PLPP3: variants seen among roughly 807,000 people sequenced by gnomAD.
The protein encoded by PLPP3 is PAP2 beta.
A neutral mutation model predicts 29.6 loss-of-function variants in PLPP3; 6 were observed. The ratio of observed to expected loss-of-function variants is 0.20; its 90% CI spans 0.11 to 0.40. The LOEUF is 0.40. Ranked by LOEUF, PLPP3 falls within the 10% of genes least tolerant of loss-of-function variation. The pLI, the probability that PLPP3 is intolerant of heterozygous loss-of-function variation, is 1.00. For synonymous variants in PLPP3, 152 were observed against 159.7 expected (o/e 0.95, Z 0.36); for missense variants, 308 against 407.7 (o/e 0.76, Z 2.11).
chr1:56,527,836 G>C (rs1336432589), intron 2 of PLPP3, among the ~76,000 whole-genome samples: 2 of 152,100 alleles, frequency 1.3e-5, no homozygotes, highest in Non-Finnish European at 2.9e-5. Context: ...CTCTACAGAC[G>C]AGGCGAAGGC....
At chr1:56,578,431 G>T (rs970890551) in intron 1 of PLPP3, among the ~76,000 whole-genome samples, 5 of 152,148 alleles carry the variant, frequency 3.3e-5, no homozygotes, top group African/African-American at 4.8e-5. Flanking sequence ...ACATACAGCC[G>T]CCGGGAAGGC....
intron 4 of PLPP3, among the ~76,000 whole-genome samples, chr1:56,518,747 A>ATATAT (rs1178760772): frequency 1.3e-5 from 2 of 148,724 alleles, no homozygotes; most frequent in Non-Finnish European, 3.0e-5. Context: ...ACAGGGTCTC[A>ATATAT]CTATGTTGCC....
At chr1:56,567,414 TTGAGATG>T (rs1416518658) in intron 1 of PLPP3, among the ~76,000 whole-genome samples, 85 of 110,394 alleles carry the variant, frequency 7.7e-4, no homozygotes, top group South Asian at 1.4e-3. Flanking sequence ...TTTTTTTTTT[TTGAGATG>T]GAGTCTCGCT....
intron 1 of PLPP3, among the ~76,000 whole-genome samples, chr1:56,575,446 C>A (rs1288461137): frequency 6.6e-6 from 1 of 152,198 alleles, no homozygotes; most frequent in African/African-American, 2.4e-5. Context: ...CGTGGTGGAG[C>A]AACCAAATTA....
intron 4 of PLPP3, among the ~76,000 whole-genome samples, chr1:56,519,746 G>GT (rs112097512): frequency 0.081 from 11,301 of 139,674 alleles, 413 homozygotes; most frequent in Middle Eastern, 0.11. Context: ...CTGTGGGTTT[G>GT]TTTTTTTTTT....
intron 2 of PLPP3, among the ~76,000 whole-genome samples, chr1:56,527,003 T>TGAGAAA (rs1430714913): frequency 1.3e-5 from 2 of 152,218 alleles, no homozygotes; most frequent in Admixed American, 1.3e-4. Context: ...TGTTTGATGC[T>TGAGAAA]GAGAAAGAAC....
intron 1 of PLPP3, among the ~76,000 whole-genome samples, chr1:56,554,843 T>C (rs11810204): frequency 0.38 from 57,917 of 151,954 alleles, 13,088 homozygotes; most frequent in Middle Eastern, 0.52. Flanking sequence ...GCACTCCACA[T>C]TGGTTTAAAT....
intron 2 of PLPP3, among the ~76,000 whole-genome samples, chr1:56,532,692 C>T (rs1217149193): frequency 6.6e-6 from 1 of 152,142 alleles, no homozygotes; most frequent in Non-Finnish European, 1.5e-5. Flanking sequence ...CCTCTGATAT[C>T]TTTTGACCTA....
chr1:56,557,401 GAGAA>G (rs1646092691), intron 1 of PLPP3, among the ~76,000 whole-genome samples: 1 of 151,860 alleles, frequency 6.6e-6, no homozygotes, highest in African/African-American at 2.4e-5. Context: ...AGGAAAGGAA[GAGAA>G]AGAAAGATTG....
chr1:56,550,388 C>T lies in PLPP3; in HGVS notation c.140-13276G>A, dbSNP rs77329306. 1.6e-3 allele frequency among the ~76,000 whole-genome samples: 243 copies of T among 152,292 alleles called. 2 individuals carry two copies. The highest frequency in any genetic ancestry group is 5.4e-3 in the African/African-American group (224 of 41,556). On this transcript the variant is annotated intron_variant, in intron 1 of 5. Coordinates refer to ENST00000371250, the MANE Select transcript of PLPP3 (RefSeq NM_003713.5). ...CACTGCTGGGTAATGCATTTTTCAGCTGTTGAGAGAAAAGGGTAGATCCTG... is the reference window on the plus strand; with the variant it reads ...CACTGCTGGGTAATGCATTTTTCAGTTGTTGAGAGAAAAGGGTAGATCCTG...
At chr1:56,517,698 A>G (rs1242307231) in intron 4 of PLPP3, among the ~76,000 whole-genome samples, 3 of 152,208 alleles carry the variant, frequency 2.0e-5, no homozygotes, top group Non-Finnish European at 2.9e-5. Context: ...TGCTTCACAT[A>G]AAGTCTTAGT....
chr1:56,554,061 C>G (rs560331835), intron 1 of PLPP3, among the ~76,000 whole-genome samples: 11 of 146,914 alleles, frequency 7.5e-5, no homozygotes, highest in East Asian at 2.7e-4. Context: ...TTTTCCCCCC[C>G]ACTTTGGCTT....
rs1211650607 is a variant in PLPP3 at position 56,495,038 on chromosome 1, A to T, written c.*1513T>A. 1 of 152,668 alleles carries T rather than the reference A, an allele frequency of 6.6e-6. No homozygotes were observed. Among genetic ancestry groups the T allele is most frequent in the East Asian group, 1.9e-4 (1 of 5,204 alleles). The allele number at this position is 152,668 out of a possible 1,614,324, so 9.5% of individuals were successfully genotyped here. The stretch of plus-strand genomic sequence containing the variant: ...TTTTTAAGCAGCTAATGTAAATAAC[A>T]CAGGTCGAGACACAGTTTATAATCA... On this transcript the variant is annotated 3_prime_UTR_variant, in exon 6 of 6. Transcript: ENST00000371250.
intron 2 of PLPP3, among the ~76,000 whole-genome samples, chr1:56,531,784 A>G (rs536269572): frequency 6.6e-6 from 1 of 152,326 alleles, no homozygotes; most frequent in Admixed American, 6.5e-5. Context: ...CTTCAACCTT[A>G]TAAGCCTCAG....
chr1:56,537,704 C>T (rs1645937830), intron 1 of PLPP3, among the ~76,000 whole-genome samples: 1 of 151,484 alleles, frequency 6.6e-6, no homozygotes. Flanking sequence ...CAACCTCTAG[C>T]ACAGTGCCTG....
Position 56,496,492 on chromosome 1 carries a change from CA to C in PLPP3, c.*58del. The C allele has an allele frequency of 6.3e-7, 1 of 1,587,032 alleles. No individual in the cohort carries two copies. Among genetic ancestry groups the C allele is most frequent in the Non-Finnish European group, 8.6e-7 (1 of 1,160,016 alleles). On this transcript the variant is annotated 3_prime_UTR_variant, in exon 6 of 6. Coordinates refer to ENST00000371250, the MANE Select transcript of PLPP3 (RefSeq NM_003713.5). The stretch of plus-strand genomic sequence containing the variant: ...TCTACTGTCTGATGAGATTGGAGAG[CA>C]GCAAGAACTTGCTGTCAGCAGTCAT...
intron 5 of PLPP3, among the ~76,000 whole-genome samples, chr1:56,503,437 C>T (rs1381368396): frequency 6.6e-6 from 1 of 152,074 alleles, no homozygotes; most frequent in Non-Finnish European, 1.5e-5. Context: ...AGCTGTAATC[C>T]CAGCACTTTG....
intron 2 of PLPP3, among the ~76,000 whole-genome samples, chr1:56,526,817 A>G (rs575752324): frequency 1.2e-4 from 18 of 152,282 alleles, no homozygotes; most frequent in African/African-American, 4.1e-4. Flanking sequence ...GTAATAAGCA[A>G]TGGCAGAGGA....
At chr1:56,498,483 C>G (rs1645644007) in intron 5 of PLPP3, among the ~76,000 whole-genome samples, 1 of 152,178 alleles carries the variant, frequency 6.6e-6, no homozygotes, top group South Asian at 2.1e-4. Context: ...TTATCTCCCC[C>G]AGTGGCCTTA....
Sources: gnomAD v4.1 joint callset for allele counts (sites outside exome capture counted in the v4.1 genomes callset) on GRCh38, gnomAD v4.1.1 for gene constraint, MANE v1.5 for transcripts, NCBI Gene and HGNC (gene_info 2026-07-23, HGNC 2026-07-21) for gene names.